The following COX10 variants were observed in gnomAD, a reference collection of about 807,000 sequenced individuals.
COX10 encodes the protein protoheme IX farnesyltransferase, mitochondrial.
In COX10, 27 loss-of-function variants were observed where a neutral mutation model predicts 37.3. That is an observed-to-expected ratio of 0.72 (90% CI 0.53 to 1.00). The LOEUF is 1.00. Among genes scored for constraint, COX10 ranks in the 50% least tolerant of loss-of-function variants. The probability of loss-of-function intolerance (pLI) is 0.00; values close to 1 mark genes in which losing one functional copy is unlikely to be tolerated. For missense variants in COX10, 475 were observed against 563.2 expected (o/e 0.84, Z 1.59); for synonymous variants, 222 against 229.1 (o/e 0.97, Z 0.28).
intron 3 of COX10, among the ~76,000 whole-genome samples, chr17:14,079,684 A>T (rs1305072563): frequency 2.6e-5 from 4 of 152,202 alleles, no homozygotes; most frequent in African/African-American, 7.2e-5. Context: ...TATAAAAAAG[A>T]ATTCAAATAA....
chr17:14,176,097 G>GGCAT (rs1905680212), intron 5 of COX10, among the ~76,000 whole-genome samples: 8 of 152,066 alleles, frequency 5.3e-5, no homozygotes, highest in Admixed American at 5.2e-4. Flanking sequence ...GGCAGCTCCT[G>GGCAT]GCATGACTTG....
chr17:14,070,476 C>G (rs961942456), intron 1 of COX10, among the ~76,000 whole-genome samples: 10 of 152,200 alleles, frequency 6.6e-5, no homozygotes, highest in Admixed American at 2.0e-4. Context: ...GTGCCCAGAA[C>G]AGTACTTAGT....
intron 4 of COX10, among the ~76,000 whole-genome samples, chr17:14,128,408 A>G (rs914840317): frequency 6.6e-6 from 1 of 152,096 alleles, no homozygotes; most frequent in African/African-American, 2.4e-5. Context: ...TAAATATCAG[A>G]TATGTATTTC....
chr17:14,102,908 G>A (rs1281142011), intron 4 of COX10, among the ~76,000 whole-genome samples: 1 of 151,976 alleles, frequency 6.6e-6, no homozygotes, highest in Non-Finnish European at 1.5e-5. Context: ...TTCATTACCA[G>A]AACACCCAAG....
intron 4 of COX10, among the ~76,000 whole-genome samples, chr17:14,139,697 A>G (rs1904482861): frequency 1.3e-5 from 2 of 152,278 alleles, no homozygotes; most frequent in Admixed American, 6.5e-5. Context: ...AGGTGGGCAT[A>G]TTTGAAGCCT....
chr17:14,082,347 T>A (rs1012372441), intron 3 of COX10, among the ~76,000 whole-genome samples: 18 of 151,964 alleles, frequency 1.2e-4, no homozygotes, highest in Non-Finnish European at 2.4e-4. Flanking sequence ...CTCGTGAGAG[T>A]CATTTTATTT....
chr17:14,122,693 G>A (rs1386617782), intron 4 of COX10, among the ~76,000 whole-genome samples: 2 of 152,112 alleles, frequency 1.3e-5, no homozygotes, highest in Admixed American at 6.6e-5. Flanking sequence ...TCTGAGACTT[G>A]GCCTGTTCAT....
At chr17:14,128,073 G>A (rs76886505) in intron 4 of COX10, among the ~76,000 whole-genome samples, 3,876 of 151,290 alleles carry the variant, frequency 0.026, 98 homozygotes, top group East Asian at 0.11. Flanking sequence ...AAGTCTAGAC[G>A]TTTTATGTTT....
chr17:14,190,036 G>A (rs1906153687), intron 5 of COX10, among the ~76,000 whole-genome samples: 1 of 152,176 alleles, frequency 6.6e-6, no homozygotes, highest in Admixed American at 6.5e-5. Flanking sequence ...AATGAAGACA[G>A]CCTCTTCTGA....
At chr17:14,088,441 GAA>G (rs34991846) in intron 3 of COX10, among the ~76,000 whole-genome samples, 64 of 148,282 alleles carry the variant, frequency 4.3e-4, no homozygotes, top group African/African-American at 1.5e-3. Context: ...AATTTAGACA[GAA>G]AAAAAAAAAT....
chr17:14,100,742 G>A (rs1915758368), intron 3 of COX10, among the ~76,000 whole-genome samples: 1 of 152,182 alleles, frequency 6.6e-6, no homozygotes, highest in Non-Finnish European at 1.5e-5. Context: ...TCAAAGCAGC[G>A]ATGTGATTTG....
intron 3 of COX10, among the ~76,000 whole-genome samples, chr17:14,101,573 T>C (rs1403527372): frequency 6.6e-6 from 1 of 152,198 alleles, no homozygotes; most frequent in Non-Finnish European, 1.5e-5. Flanking sequence ...CCTTGGTTCC[T>C]GCTGGTGGCT....
At chr17:14,087,892 G>C (rs1915447351) in intron 3 of COX10, among the ~76,000 whole-genome samples, 1 of 152,048 alleles carries the variant, frequency 6.6e-6, no homozygotes, top group Non-Finnish European at 1.5e-5. Flanking sequence ...TACACTGTGT[G>C]AAGCCATCAG....
At chr17:14,153,083 G>A (rs1215418547) in intron 4 of COX10, among the ~76,000 whole-genome samples, 1 of 152,180 alleles carries the variant, frequency 6.6e-6, no homozygotes, top group African/African-American at 2.4e-5. Flanking sequence ...ACAGAAAGGG[G>A]ATTCTGGGCA....
chr17:14,144,168 C>T (rs1904639159), intron 4 of COX10, among the ~76,000 whole-genome samples: 1 of 152,022 alleles, frequency 6.6e-6, no homozygotes, highest in Non-Finnish European at 1.5e-5. Context: ...GTGTTTGGAC[C>T]TCTGTAGATT....
chr17:14,124,422 G>GA (rs1213362714), intron 4 of COX10, among the ~76,000 whole-genome samples: 2 of 152,068 alleles, frequency 1.3e-5, no homozygotes, highest in African/African-American at 2.4e-5. Flanking sequence ...GTTAAGGGGT[G>GA]AAAAAATCAA....
intron 5 of COX10, among the ~76,000 whole-genome samples, chr17:14,164,969 G>A (rs1344606321): frequency 6.6e-6 from 1 of 152,088 alleles, no homozygotes; most frequent in East Asian, 1.9e-4. Context: ...GTCCTGGTTT[G>A]CCCCAACAGA....
chr17:14,076,847 A>G lies in COX10; in HGVS notation c.290A>G (p.Tyr97Cys), dbSNP rs16948986. 3.5e-3 allele frequency: 5,629 copies of G among 1,614,190 alleles called. 171 individuals carry two copies. The African/African-American group carries it at 0.064, about 18-fold the overall frequency. Residue 97 changes from tyrosine (Y) to cysteine (C), a missense_variant, in exon 3 of 7, where the codon TAT (tyrosine) becomes TGT (cysteine). Coordinates refer to ENST00000261643, the MANE Select transcript of COX10 (RefSeq NM_001303.4). ...TCAGGTCAAGCCAAAGCAGAAATAT[A>G]TGAGATGAGACCTCTCTCACCGCCC... ...TSSGQAKAEI[Y>C]EMRPLSPPSL...
intron 5 of COX10, among the ~76,000 whole-genome samples, chr17:14,172,075 A>C (rs1239684778): frequency 6.6e-6 from 1 of 152,066 alleles, no homozygotes; most frequent in Non-Finnish European, 1.5e-5. Context: ...ATCCCAGCTG[A>C]CTTCTCTGCC....
Sources: allele counts gnomAD v4.1 joint callset (sites outside exome capture counted in the v4.1 genomes callset), GRCh38; gene constraint gnomAD v4.1.1; transcripts MANE v1.5; gene names NCBI Gene and HGNC (gene_info 2026-07-23, HGNC 2026-07-21).